MYT1L: variants seen among roughly 807,000 people sequenced by gnomAD.
The protein encoded by MYT1L is myelin transcription factor 1-like protein.
Under a neutral mutation model 126.7 loss-of-function variants are expected in MYT1L, and 12 were observed. That is an observed-to-expected ratio of 0.09 (90% confidence interval 0.06 to 0.15). MYT1L has a LOEUF of 0.15. MYT1L is among the 10% of genes least tolerant of loss of function. MYT1L has a pLI of 1.00. For synonymous variants in MYT1L, 541 were observed against 604.2 expected, an observed-to-expected ratio of 0.90 and a Z score of 1.53; for missense variants, 979 against 1,585.2, an observed-to-expected ratio of 0.62 and a Z score of 6.49.
rs140424223 is a variant in MYT1L at position 2,238,165 on chromosome 2, G to A, written c.-421+46239C>T. Among the ~76,000 whole-genome samples, 869 of 152,210 alleles carry A rather than the reference G, an allele frequency of 5.7e-3. 8 individuals are homozygous for A. The highest frequency in any genetic ancestry group is 0.02 in the African/African-American group (814 of 41,534). On this transcript the variant is annotated intron_variant, in intron 2 of 24. Transcript: ENST00000647738. Reference sequence around the variant, plus strand: ...GAGAACATGGGGTCAGGGGGTGGTGGGGCATCTGAATTGCTGTATTAACTT... The same window carrying A: ...GAGAACATGGGGTCAGGGGGTGGTGAGGCATCTGAATTGCTGTATTAACTT...
At chr2:2,071,776 G>T (rs1012103224) in intron 3 of MYT1L, among the ~76,000 whole-genome samples, 1 of 152,122 alleles carries the variant, frequency 6.6e-6, no homozygotes, top group South Asian at 2.1e-4. Context: ...TTGATAAGGG[G>T]AATGACGTCT....
intron 3 of MYT1L, among the ~76,000 whole-genome samples, chr2:2,144,798 A>G (rs186797545): frequency 1.8e-4 from 28 of 152,342 alleles, no homozygotes; most frequent in Middle Eastern, 3.4e-3. Flanking sequence ...CAGGCTAGCC[A>G]GCATCTTTCT....
Position 2,240,556 on chromosome 2 carries a change from C to T in MYT1L, c.-421+43848G>A, listed in dbSNP as rs560415528. 9.1e-4 allele frequency among the ~76,000 whole-genome samples: 139 copies of T among 152,212 alleles called. 1 individual carries two copies. Among genetic ancestry groups the T allele is most frequent in the African/African-American group, 3.1e-3 (129 of 41,536 alleles). Reference sequence around the variant, plus strand: ...ATAATTACATCTATTTTTATAGTAACACAAATTAAAATATACGTTCTAATC... The same window carrying T: ...ATAATTACATCTATTTTTATAGTAATACAAATTAAAATATACGTTCTAATC... On this transcript the variant is annotated intron_variant, in intron 2 of 24. Transcript: ENST00000647738.
At chr2:2,050,646 C>T (rs1271266344) in intron 4 of MYT1L, among the ~76,000 whole-genome samples, 3 of 152,122 alleles carry the variant, frequency 2.0e-5, no homozygotes, top group African/African-American at 7.2e-5. Context: ...CCCCAAAGTC[C>T]TTCTTAAGTG....
chr2:1,880,794 A>G (rs571113964), intron 18 of MYT1L, among the ~76,000 whole-genome samples: 1 of 152,328 alleles, frequency 6.6e-6, no homozygotes, highest in South Asian at 2.1e-4. Context: ...CTCCATGAAA[A>G]GCAGAGCATC....
intron 3 of MYT1L, among the ~76,000 whole-genome samples, chr2:2,108,937 G>T (rs2079058419): frequency 6.6e-6 from 1 of 152,204 alleles, no homozygotes; most frequent in Admixed American, 6.5e-5. Context: ...TCTGGCTGTG[G>T]CTGGCTGCAG....
intron 8 of MYT1L, among the ~76,000 whole-genome samples, chr2:1,975,043 A>G (rs892492087): frequency 1.3e-5 from 2 of 152,208 alleles, no homozygotes; most frequent in African/African-American, 4.8e-5. Context: ...TCCTACCAAA[A>G]AATTTTAACC....
intron 3 of MYT1L, among the ~76,000 whole-genome samples, chr2:2,133,945 C>T (rs114047276): frequency 1.5e-3 from 226 of 152,326 alleles, no homozygotes; most frequent in African/African-American, 5.3e-3. Context: ...TGTTCATCTA[C>T]GTATGGTGGA....
chr2:2,032,868 C>A (rs2066507880), intron 4 of MYT1L, among the ~76,000 whole-genome samples: 1 of 147,662 alleles, frequency 6.8e-6, no homozygotes, highest in Admixed American at 6.7e-5. Context: ...TTATACAACC[C>A]TCGCCCATGT....
Position 1,790,153 on chromosome 2 carries a change from T to G in MYT1L, c.*1714A>C, listed in dbSNP as rs2031797449. Reference sequence around the variant, plus strand: ...GTACGGATATATAGGACAAGGTAAGTGCAAATAGTCGACTGGCACATTGTG... The same window carrying G: ...GTACGGATATATAGGACAAGGTAAGGGCAAATAGTCGACTGGCACATTGTG... On this transcript the variant is annotated 3_prime_UTR_variant, in exon 25 of 25. Transcript: ENST00000647738. 2 of 152,176 alleles carry G rather than the reference T, an allele frequency of 1.3e-5. No individual in the cohort carries two copies. The highest frequency in any genetic ancestry group is 2.9e-5 in the Non-Finnish European group (2 of 68,038). 9.4% of individuals were successfully genotyped at this position (152,176 alleles called of 1,614,324 possible). A position where few individuals can be genotyped will look rare whatever the true frequency, so the allele number is the denominator to read the frequency against.
chr2:2,137,248 A>T (rs1442475903), intron 3 of MYT1L, among the ~76,000 whole-genome samples: 1 of 152,242 alleles, frequency 6.6e-6, no homozygotes, highest in Non-Finnish European at 1.5e-5. Context: ...CAATATCGTG[A>T]AAATGGCCAT....
rs559800146 is a variant in MYT1L at position 2,214,190 on chromosome 2, AC to A, written c.-420-41203del. On this transcript the variant is annotated intron_variant, in intron 2 of 24. Transcript: ENST00000647738. ...GAACAAAATATCAGTGAGTCATGGG[AC>A]AACTTCTAGTGGTCTCATATACATG... Among the ~76,000 whole-genome samples the A allele has an allele frequency of 1.7e-3, 262 of 152,200 alleles. 3 individuals carry two copies. The highest frequency in any genetic ancestry group is 6.0e-3 in the African/African-American group (251 of 41,558).
chr2:2,259,736 C>T (rs186048266), intron 2 of MYT1L, among the ~76,000 whole-genome samples: 109 of 152,230 alleles, frequency 7.2e-4, no homozygotes, highest in Non-Finnish European at 1.1e-3. Context: ...TGTCAAGGTA[C>T]GGGTCATCCC....
intron 2 of MYT1L, among the ~76,000 whole-genome samples, chr2:2,234,511 G>A (rs186708185): frequency 8.2e-4 from 125 of 152,252 alleles, no homozygotes; most frequent in African/African-American, 3.0e-3. Flanking sequence ...ATTAATGCTT[G>A]AGCCAAGAAG....
intron 4 of MYT1L, among the ~76,000 whole-genome samples, chr2:2,033,680 G>A (rs1421767185): frequency 6.6e-6 from 1 of 152,204 alleles, no homozygotes; most frequent in Non-Finnish European, 1.5e-5. Flanking sequence ...TTCTAATAGA[G>A]GTGGGTGGAG....
intron 3 of MYT1L, among the ~76,000 whole-genome samples, chr2:2,080,493 C>T (rs2075704269): frequency 6.6e-6 from 1 of 152,038 alleles, no homozygotes; most frequent in Non-Finnish European, 1.5e-5. Context: ...AAAGACAATA[C>T]AATTTAATAA....
In MYT1L at chr2:2,105,597, T is replaced by C. The variant is rs2078653240; in HGVS notation, c.-303-51474A>G. Among the ~76,000 whole-genome samples, 6 of 152,336 alleles carry C rather than the reference T, an allele frequency of 3.9e-5. No individual in the cohort carries two copies. The South Asian group carries it at 1.2e-3, about 32-fold the overall frequency. On this transcript the variant is annotated intron_variant, in intron 3 of 24. Coordinates refer to ENST00000647738, the MANE Select transcript of MYT1L (RefSeq NM_001303052.2). ...TAAAATGGATGTGTATCAGTGGGGCTGGGTTACTAGTGACTGGAGACAATG... is the reference window on the plus strand; with the variant it reads ...TAAAATGGATGTGTATCAGTGGGGCCGGGTTACTAGTGACTGGAGACAATG...
intron 2 of MYT1L, among the ~76,000 whole-genome samples, chr2:2,219,412 G>A (rs913893666): frequency 1.3e-5 from 2 of 152,070 alleles, no homozygotes; most frequent in Non-Finnish European, 2.9e-5. Context: ...CATCTAATTA[G>A]GAATAAATAG....
chr2:2,115,341 A>G (rs2080058633), intron 3 of MYT1L, among the ~76,000 whole-genome samples: 1 of 152,234 alleles, frequency 6.6e-6, no homozygotes, highest in Non-Finnish European at 1.5e-5. Flanking sequence ...AGCACATAGT[A>G]GGTGTTAAAT....
Sources: gnomAD v4.1 joint callset for allele counts (sites outside exome capture counted in the v4.1 genomes callset) on GRCh38, gnomAD v4.1.1 for gene constraint, MANE v1.5 for transcripts, NCBI Gene and HGNC (gene_info 2026-07-23, HGNC 2026-07-21) for gene names.